ASH1L: variants seen among roughly 807,000 people sequenced by gnomAD.
ASH1L encodes ASH1 like histone lysine methyltransferase, also known as histone-lysine N-methyltransferase ASH1L.
A neutral mutation model predicts 269.0 loss-of-function variants in ASH1L; 23 were observed. That is an observed-to-expected ratio of 0.09 (90% confidence interval 0.06 to 0.12). The LOEUF is 0.12. Among genes scored for constraint, ASH1L ranks in the 10% least tolerant of loss-of-function variants. The pLI is 1.00. For missense variants in ASH1L, 2,912 were observed against 3,567.8 expected, an observed-to-expected ratio of 0.82 and a Z score of 4.68; for synonymous variants, 1,187 against 1,253.5, an observed-to-expected ratio of 0.95 and a Z score of 1.12.
chr1:155,369,687 A>G (rs1655762480), intron 12 of ASH1L, among the ~76,000 whole-genome samples: 1 of 152,170 alleles, frequency 6.6e-6, no homozygotes, highest in African/African-American at 2.4e-5. Flanking sequence ...ATAAGCATGC[A>G]GTAGAGTGGC....
At chr1:155,509,636 TAAAAATAC>T (rs757615064) in intron 2 of ASH1L, among the ~76,000 whole-genome samples, 23 of 152,032 alleles carry the variant, frequency 1.5e-4, no homozygotes, top group Non-Finnish European at 3.1e-4. Flanking sequence ...CTGTCTCTAC[TAAAAATAC>T]AAAAATTAGC....
chr1:155,345,934 C>G, intron 21 of ASH1L: 1 of 334,726 alleles, frequency 3.0e-6, no homozygotes, highest in South Asian at 2.4e-5. Context: ...CGGGTTCTAG[C>G]AGTTCTCTTG....
chr1:155,410,535 C>T (rs1281100845), intron 6 of ASH1L, among the ~76,000 whole-genome samples: 1 of 143,588 alleles, frequency 7.0e-6, no homozygotes, highest in Non-Finnish European at 1.5e-5. Flanking sequence ...AACTCCTGAC[C>T]TCAAGTAGTC....
intron 2 of ASH1L, 66 bp downstream of exon 2, chr1:155,521,034 G>A: frequency 6.9e-7 from 1 of 1,448,614 alleles, no homozygotes; most frequent in Non-Finnish European, 9.3e-7. Context: ...TACATATATA[G>A]GATAAAAATT....
chr1:155,487,129 C>G (rs776878456), intron 2 of ASH1L, among the ~76,000 whole-genome samples: 2 of 152,196 alleles, frequency 1.3e-5, no homozygotes, highest in Non-Finnish European at 1.5e-5. Flanking sequence ...CATGCCATTG[C>G]AGTCCAGCCA....
chr1:155,502,618 C>T (rs553957519), intron 2 of ASH1L, among the ~76,000 whole-genome samples: 1 of 152,196 alleles, frequency 6.6e-6, no homozygotes, highest in East Asian at 1.9e-4. Context: ...AATTATTATA[C>T]AATGTGCTAT....
rs1332064067 is a variant in ASH1L at position 155,434,011 on chromosome 1, G to C, written c.5828+4316C>G. On this transcript the variant is annotated intron_variant, in intron 5 of 27. Coordinates refer to ENST00000392403, the MANE Select transcript of ASH1L (RefSeq NM_018489.3). ...TCGAGAAGGATGTGGTCCGAGTGTG[G>C]TTCTGTAACCGGTGCCAGAAAGGCA... The C allele has an allele frequency of 1.9e-6, 3 of 1,589,724 alleles. No individual in the cohort carries two copies. In the African/African-American group the frequency reaches 4.0e-5, roughly 21 times the overall value.
At chr1:155,379,994 C>G (rs772330050) in intron 8 of ASH1L, 49 bp downstream of exon 8, 1 of 1,349,442 alleles carries the variant, frequency 7.4e-7, no homozygotes, top group Non-Finnish European at 1.1e-6. Flanking sequence ...TTCCACCCCT[C>G]CCCCTTTACC....
At chr1:155,378,125 TTC>T (rs1656623719) in intron 10 of ASH1L, among the ~76,000 whole-genome samples, 154 bp downstream of exon 10, 1 of 152,228 alleles carries the variant, frequency 6.6e-6, no homozygotes, top group Non-Finnish European at 1.5e-5. Context: ...CTCATTCATT[TTC>T]TGTTTCTGTA....
Position 155,480,230 on chromosome 1 carries a change from A to C in ASH1L, c.2640T>G (p.Gly880=). ...PEIEIPSFKQ[G]LSVSPFPKKR... is the part of the protein sequence containing the mutation. Reference sequence around the variant, plus strand: ...TTTTTGGAAAAGGAGACACAGACAGACCTTGTTTGAAGGAAGGGATTTCAA... The same window carrying C: ...TTTTTGGAAAAGGAGACACAGACAGCCCTTGTTTGAAGGAAGGGATTTCAA... Residue 880 remains glycine, a synonymous_variant, in exon 3 of 28, where the codon GGT becomes GGG. Coordinates refer to ENST00000392403, the MANE Select transcript of ASH1L (RefSeq NM_018489.3). 6.2e-7 allele frequency: 1 copy of C among 1,614,148 alleles called. No individual in the cohort carries two copies. Among genetic ancestry groups the C allele is most frequent in the Non-Finnish European group, 8.5e-7 (1 of 1,180,004 alleles).
chr1:155,497,115 C>G (rs1667203874), intron 2 of ASH1L, among the ~76,000 whole-genome samples: 1 of 152,046 alleles, frequency 6.6e-6, no homozygotes, highest in Non-Finnish European at 1.5e-5. Flanking sequence ...CCATACAAAC[C>G]TTACAAGTAA....
rs1653045373 is a variant in ASH1L at position 155,344,261 on chromosome 1, T to C, written c.7903A>G (p.Ile2635Val). 1 of 1,613,948 alleles carries C rather than the reference T, an allele frequency of 6.2e-7. No individual in the cohort carries two copies. The highest frequency in any genetic ancestry group is 1.1e-5 in the South Asian group (1 of 91,080). The change falls in exon 22 of 28, where the codon ATC becomes GTC. Residue 2635 changes from isoleucine to valine, a missense_variant. By Grantham distance (29) the Ile-to-Val change is conservative. This residue lies in a region of ASH1L where 179 missense variants were observed against 293.8 expected (regional missense o/e 0.61). Coordinates refer to ENST00000392403, the MANE Select transcript of ASH1L (RefSeq NM_018489.3). ...PRPVDREVPMIPRPHYAQPGC... is the reference protein window; with the variant it reads ...PRPVDREVPMVPRPHYAQPGC... Reference sequence around the variant, plus strand: ...GGTTGGGCATAGTGGGGCCGAGGGATCATGGGAACCTCCTGATAGGAGCAG... The same window carrying C: ...GGTTGGGCATAGTGGGGCCGAGGGACCATGGGAACCTCCTGATAGGAGCAG...
At chr1:155,347,981 T>C in intron 19 of ASH1L, 77 bp from the exon 20 acceptor site, 1 of 1,574,474 alleles carries the variant, frequency 6.4e-7, no homozygotes. Flanking sequence ...GGTAGCAAGG[T>C]AGCATGACTT....
chr1:155,364,922 TAAAAA>T (rs60237031), intron 12 of ASH1L, among the ~76,000 whole-genome samples: 1 of 107,148 alleles, frequency 9.3e-6, no homozygotes, highest in Non-Finnish European at 1.9e-5. Flanking sequence ...AGCTCTGTCT[TAAAAA>T]AAAAAAAAAA....
chr1:155,435,788 C>T (rs1273896707), intron 5 of ASH1L, among the ~76,000 whole-genome samples: 1 of 152,192 alleles, frequency 6.6e-6, no homozygotes, highest in Non-Finnish European at 1.5e-5. Flanking sequence ...TGGTGGCTCA[C>T]GCCTGTAATC....
chr1:155,520,109 T>TG (rs1668771705), intron 2 of ASH1L: 1 of 152,108 alleles, frequency 6.6e-6, no homozygotes, highest in Non-Finnish European at 1.5e-5. Flanking sequence ...CCCAGTACTT[T>TG]GGGAGGCTGA....
At chr1:155,542,730 A>G (rs1670519712) in intron 1 of ASH1L, among the ~76,000 whole-genome samples, 1 of 146,342 alleles carries the variant, frequency 6.8e-6, no homozygotes, top group South Asian at 2.2e-4. Flanking sequence ...CCCAGGCTGG[A>G]GTGCAGTGGT....
chr1:155,425,770 G>C (rs1429215139), intron 5 of ASH1L, among the ~76,000 whole-genome samples: 1 of 151,966 alleles, frequency 6.6e-6, no homozygotes, highest in Non-Finnish European at 1.5e-5. Context: ...GTAGAGAAGA[G>C]GTTTCACCAC....
rs1233950071 is a variant in ASH1L, at chr1:155,481,656, C to A, written c.1214G>T (p.Gly405Val). ...SAMGLVNKDIGKKLMSCPLAG... is the reference protein window; with the variant it reads ...SAMGLVNKDIVKKLMSCPLAG... Reference sequence around the variant, plus strand: ...CAAAGGACAACTCATTAGTTTCTTTCCAATGTCCTTATTAACCAATCCCAT... The same window carrying A: ...CAAAGGACAACTCATTAGTTTCTTTACAATGTCCTTATTAACCAATCCCAT... Residue 405 changes from glycine to valine, a missense_variant, in exon 3 of 28, where the codon GGA (glycine) becomes GTA (valine). Gly to Val is a moderately radical substitution (Grantham distance 109). Transcript: ENST00000392403. The A allele has an allele frequency of 4.3e-6, 7 of 1,614,114 alleles. No individual in the cohort carries two copies. Among genetic ancestry groups the A allele is most frequent in the Non-Finnish European group, 5.9e-6 (7 of 1,180,012 alleles).
Sources: allele counts gnomAD v4.1 joint callset (sites outside exome capture counted in the v4.1 genomes callset), GRCh38; gene constraint gnomAD v4.1.1; regional missense constraint gnomAD v4.1.1; transcripts MANE v1.5; gene names NCBI Gene and HGNC (gene_info 2026-07-23, HGNC 2026-07-21).